Variants in KIF6 observed in about 807,000 individuals in gnomAD.
KIF6 encodes kinesin family member 6.
In KIF6, 106 loss-of-function variants were observed where a neutral mutation model predicts 112.7. The observed-to-expected ratio is 0.94, with a 90% CI of 0.80 to 1.11. KIF6 has a LOEUF of 1.11. Among genes scored for constraint, KIF6 ranks in the 50% least tolerant of loss-of-function variants. The pLI, the probability that KIF6 is intolerant of heterozygous loss-of-function variation, is 0.00. For missense variants in KIF6, 929 were observed against 964.0 expected, an observed-to-expected ratio of 0.96 and a Z score of 0.48; for synonymous variants, 339 against 339.9, an observed-to-expected ratio of 1.00 and a Z score of 0.03.
At chr6:39,447,549 T>C (rs1772407673) in intron 13 of KIF6, among the ~76,000 whole-genome samples, 1 of 152,220 alleles carries the variant, frequency 6.6e-6, no homozygotes, top group Non-Finnish European at 1.5e-5. Flanking sequence ...CATTCATGTT[T>C]ACTGGCCTTG....
chr6:39,457,966 T>C (rs1773246022), intron 13 of KIF6, among the ~76,000 whole-genome samples: 1 of 150,822 alleles, frequency 6.6e-6, no homozygotes, highest in Admixed American at 6.6e-5. Context: ...GTACCATTCC[T>C]TCTGAAACTA....
rs1383589321 is a variant in KIF6, at chr6:39,378,320, C to G, written c.1861+7302G>C. Among the ~76,000 whole-genome samples, 2 of 151,688 alleles carry G rather than the reference C, an allele frequency of 1.3e-5. No homozygotes were observed. The highest frequency in any genetic ancestry group is 4.8e-5 in the African/African-American group (2 of 41,280). On this transcript the variant is annotated intron_variant, in intron 16 of 22. Transcript: ENST00000287152. This position sits in a 1 kb window ranked among gnomAD's most constrained non-coding sequence, Gnocchi z 5.0. ...ACACAAGCACAAAACACACATACAA[C>G]ACATACAACATATCCAACATACCAC...
chr6:39,596,253 A>T lies in KIF6; in HGVS notation c.647T>A (p.Met216Lys). The T allele has an allele frequency of 6.2e-7, 1 of 1,608,510 alleles. No individual in the cohort carries two copies. The highest frequency in any genetic ancestry group is 8.5e-7 in the Non-Finnish European group (1 of 1,177,868). Reference protein sequence around the residue: ...DTNRMIAETPMNQASTRSHCI... With the variant: ...DTNRMIAETPKNQASTRSHCI... Reference sequence around the variant, plus strand: ...GTGGGAACGGGTTGAAGCTTGGTTCATAGGAGTCTATAAAAAAATTGCAAA... The same window carrying T: ...GTGGGAACGGGTTGAAGCTTGGTTCTTAGGAGTCTATAAAAAAATTGCAAA... The change falls in exon 7 of 23, where the codon ATG becomes AAG. Residue 216 changes from methionine (M) to lysine (K), a missense_variant. Met to Lys is a moderately conservative substitution (Grantham distance 95, BLOSUM62 -1). Coordinates refer to ENST00000287152, the MANE Select transcript of KIF6 (RefSeq NM_145027.6).
In KIF6 at chr6:39,563,778, C is replaced by G. The variant is rs141110528; in HGVS notation, c.1181+14278G>C. ...ACTTGCCCCAGGCCTCAGGAACAGG[C>G]TTCCCTGTCTGTCACTGGCCTCATT... is the stretch of plus-strand genomic sequence containing the variant. On this transcript the variant is annotated intron_variant, in intron 10 of 22. Transcript: ENST00000287152. Among the ~76,000 whole-genome samples, 137 of 152,314 alleles carry G rather than the reference C, an allele frequency of 9.0e-4. 1 individual carries two copies. The highest frequency in any genetic ancestry group is 3.2e-3 in the African/African-American group (131 of 41,570).
At chr6:39,565,926 A>T (rs1780251523) in intron 10 of KIF6, among the ~76,000 whole-genome samples, 1 of 152,226 alleles carries the variant, frequency 6.6e-6, no homozygotes, top group Non-Finnish European at 1.5e-5. Context: ...AGAAGCATTA[A>T]GGTATTAAAA....
At chr6:39,667,790 G>C (rs1582405939) in intron 3 of KIF6, among the ~76,000 whole-genome samples, 1 of 152,132 alleles carries the variant, frequency 6.6e-6, no homozygotes, top group East Asian at 1.9e-4. Context: ...TCAACATTCA[G>C]GATAATGGTG....
At chr6:39,680,541 T>G (rs1265347842) in intron 3 of KIF6, among the ~76,000 whole-genome samples, 1 of 152,188 alleles carries the variant, frequency 6.6e-6, no homozygotes, top group Non-Finnish European at 1.5e-5. Flanking sequence ...ATGGGTCAGC[T>G]ACCTTTCTCA....
rs866635642 is a variant in KIF6 at position 39,343,987 on chromosome 6, C to G, written c.2322-172G>C. 6.6e-6 allele frequency among the ~76,000 whole-genome samples: 1 copy of G among 152,324 alleles called. No individual in the cohort carries two copies. The highest frequency in any genetic ancestry group is 3.4e-3 in the Middle Eastern group (1 of 294). ...TCTCTGTGTGGCAGCCACACTAAGC[C>G]TCTTGTCATGCAAATTGGGTCAAGT... On this transcript the variant is annotated intron_variant, in intron 21 of 22. Transcript: ENST00000287152. This position sits in a 1 kb window ranked among gnomAD's most constrained non-coding sequence, Gnocchi z 4.1.
chr6:39,562,435 A>G (rs1359450808), intron 10 of KIF6, among the ~76,000 whole-genome samples: 4 of 152,246 alleles, frequency 2.6e-5, no homozygotes. Flanking sequence ...TGAGGGAACA[A>G]CAGTGAAGAA....
At chr6:39,698,036 C>A (rs569062696) in intron 3 of KIF6, among the ~76,000 whole-genome samples, 2 of 152,180 alleles carry the variant, frequency 1.3e-5, no homozygotes, top group Non-Finnish European at 2.9e-5. Flanking sequence ...GAAATCTTTG[C>A]AGCATGACTT....
intron 13 of KIF6, among the ~76,000 whole-genome samples, chr6:39,443,570 A>G (rs1281523920): frequency 2.0e-5 from 3 of 151,890 alleles, no homozygotes; most frequent in African/African-American, 7.3e-5. Context: ...CAGCCTCCCA[A>G]GTAGCTGGGA....
intron 13 of KIF6, among the ~76,000 whole-genome samples, chr6:39,534,218 C>T (rs1312608819): frequency 1.3e-5 from 2 of 152,206 alleles, no homozygotes; most frequent in Non-Finnish European, 2.9e-5. Context: ...CGGAGAATGA[C>T]TTTGACGAGT....
intron 7 of KIF6, among the ~76,000 whole-genome samples, chr6:39,587,849 C>A (rs1453946333): frequency 6.6e-6 from 1 of 152,198 alleles, no homozygotes; most frequent in Non-Finnish European, 1.5e-5. Context: ...TTCATCTGGA[C>A]AATTCCCATT....
chr6:39,586,452 A>C (rs1781646844), intron 7 of KIF6, 48 bp from the exon 8 acceptor site: 1 of 1,501,528 alleles, frequency 6.7e-7, no homozygotes, highest in Non-Finnish European at 9.2e-7. Context: ...AAGAAAATGC[A>C]CTCCTGACAA....
chr6:39,598,294 A>G (rs534001183), intron 6 of KIF6, among the ~76,000 whole-genome samples: 16 of 152,314 alleles, frequency 1.1e-4, no homozygotes, highest in African/African-American at 3.8e-4. Context: ...AAATCTGGAA[A>G]TGGTTAATGA....
chr6:39,623,799 T>C (rs1783947163), intron 5 of KIF6, among the ~76,000 whole-genome samples: 1 of 152,180 alleles, frequency 6.6e-6, no homozygotes, highest in African/African-American at 2.4e-5. Context: ...GGGAGATTAA[T>C]ATACTGCTTG....
chr6:39,520,680 T>C (rs1777342950), intron 13 of KIF6, among the ~76,000 whole-genome samples: 1 of 152,156 alleles, frequency 6.6e-6, no homozygotes, highest in Admixed American at 6.5e-5. Flanking sequence ...TGAGGGAGGT[T>C]AAAAGACAGT....
intron 13 of KIF6, among the ~76,000 whole-genome samples, chr6:39,479,004 T>C (rs192024345): frequency 1.4e-3 from 213 of 152,282 alleles, no homozygotes; most frequent in African/African-American, 4.9e-3. Flanking sequence ...ATATTACTCC[T>C]TTGTTGGATG....
At chr6:39,370,833 G>A (rs1765925800) in intron 16 of KIF6, among the ~76,000 whole-genome samples, 1 of 151,980 alleles carries the variant, frequency 6.6e-6, no homozygotes, top group Admixed American at 6.6e-5. Flanking sequence ...TGGGGGTGGG[G>A]GGCAAGAAGG....
Sources: allele counts gnomAD v4.1 joint callset (sites outside exome capture counted in the v4.1 genomes callset), GRCh38; gene constraint gnomAD v4.1.1; non-coding constraint Gnocchi (gnomAD v3.1); transcripts MANE v1.5; gene names NCBI Gene and HGNC (gene_info 2026-07-23, HGNC 2026-07-21).